Variants in FMNL2 observed in about 807,000 individuals in gnomAD.
The protein encoded by FMNL2 is formin-like protein 2.
Under a neutral mutation model 130.2 loss-of-function variants are expected in FMNL2, and 51 were observed. The observed-to-expected ratio is 0.39, with a 90% CI of 0.31 to 0.49. The LOEUF is 0.49. FMNL2 is among the 20% of genes least tolerant of loss of function. The pLI is 0.85. For missense variants in FMNL2, 977 were observed against 1,316.2 expected (o/e 0.74, Z 3.99); for synonymous variants, 465 against 467.1 (o/e 1.00, Z 0.06).
At chr2:152,634,219 G>A (rs1359419336) in intron 21 of FMNL2, among the ~76,000 whole-genome samples, 1 of 152,142 alleles carries the variant, frequency 6.6e-6, no homozygotes, top group Non-Finnish European at 1.5e-5. Flanking sequence ...GATCACTTGA[G>A]GTCAGGAGTT....
At chr2:152,473,279 C>A (rs1689955131) in intron 1 of FMNL2, among the ~76,000 whole-genome samples, 1 of 151,918 alleles carries the variant, frequency 6.6e-6, no homozygotes, top group African/African-American at 2.4e-5. Flanking sequence ...CCATTGTTCA[C>A]TGCAGCCTCC....
In FMNL2 at chr2:152,647,884, T is replaced by C; in HGVS notation, c.3258T>C (p.Asn1086=). The C allele has an allele frequency of 1.2e-6, 2 of 1,613,582 alleles. No homozygotes were observed. The highest frequency in any genetic ancestry group is 2.2e-5 in the South Asian group (2 of 91,034). The change falls in exon 26 of 26, where the codon AAT becomes AAC. Residue 1086 remains asparagine (N), a synonymous_variant. Transcript: ENST00000288670. ...ATGATCAGAACTTGCGTTCTGTTAA[T>C]GGTGCCGAAATAACAATGTGAACCT... is the stretch of plus-strand genomic sequence containing the variant. ...RFDDQNLRSV[N]GAEITM
chr2:152,409,766 C>T (rs1686184366), intron 1 of FMNL2, among the ~76,000 whole-genome samples: 1 of 152,174 alleles, frequency 6.6e-6, no homozygotes, highest in African/African-American at 2.4e-5. Context: ...TTAATCCTTA[C>T]AGTCACCATT....
At chr2:152,349,849 T>C (rs915167681) in intron 1 of FMNL2, among the ~76,000 whole-genome samples, 2 of 152,242 alleles carry the variant, frequency 1.3e-5, no homozygotes, top group Non-Finnish European at 2.9e-5. Flanking sequence ...TTCTACATTG[T>C]GCATTTTTGC....
At chr2:152,422,668 A>G (rs1278381791) in intron 1 of FMNL2, among the ~76,000 whole-genome samples, 2 of 152,106 alleles carry the variant, frequency 1.3e-5, no homozygotes, top group Non-Finnish European at 2.9e-5. Flanking sequence ...AGCTGGGACT[A>G]CAGGCATGCA....
chr2:152,628,682 T>A, intron 18 of FMNL2, 149 bp downstream of exon 18: 1 of 667,732 alleles, frequency 1.5e-6, no homozygotes, highest in Non-Finnish European at 2.5e-6. Context: ...TTCAACCATC[T>A]TTTCCACATT....
chr2:152,395,846 G>T (rs1685361371), intron 1 of FMNL2, among the ~76,000 whole-genome samples: 2 of 129,900 alleles, frequency 1.5e-5, no homozygotes, highest in African/African-American at 2.8e-5. Context: ...ACCCAACTGT[G>T]AGATGAATAG....
chr2:152,528,402 G>C (rs966233524), intron 2 of FMNL2, among the ~76,000 whole-genome samples: 2 of 152,156 alleles, frequency 1.3e-5, no homozygotes, highest in Non-Finnish European at 1.5e-5. Context: ...ACTGGGCCTT[G>C]TTCCCTCCCA....
At chr2:152,619,858 A>T in intron 15 of FMNL2, 140 bp downstream of exon 15, 1 of 1,448,682 alleles carries the variant, frequency 6.9e-7, no homozygotes. Flanking sequence ...CTGCTGATGT[A>T]GCCGATAGAG....
chr2:152,583,147 A>G (rs1437413465), intron 9 of FMNL2, among the ~76,000 whole-genome samples: 1 of 152,222 alleles, frequency 6.6e-6, no homozygotes, highest in Non-Finnish European at 1.5e-5. Context: ...TACCTGGACA[A>G]TAGTAATGAG....
intron 9 of FMNL2, among the ~76,000 whole-genome samples, chr2:152,592,717 AG>A (rs1433389075): frequency 6.6e-6 from 1 of 152,192 alleles, no homozygotes; most frequent in African/African-American, 2.4e-5. Context: ...AGGAACATAG[AG>A]GGAGAGCTCA....
At chr2:152,506,072 G>A (rs115539227) in intron 1 of FMNL2, among the ~76,000 whole-genome samples, 2,372 of 152,230 alleles carry the variant, frequency 0.016, 69 homozygotes, top group African/African-American at 0.054. Flanking sequence ...AAGTTTATTT[G>A]CCAAGGTAAC....
intron 1 of FMNL2, among the ~76,000 whole-genome samples, chr2:152,336,593 G>T (rs1681468263): frequency 1.3e-5 from 2 of 152,262 alleles, no homozygotes; most frequent in Admixed American, 6.5e-5. Context: ...CTGGGACAGT[G>T]TCTGGGCCCC....
Position 152,633,728 on chromosome 2 carries a change from C to T in FMNL2, c.2680+1591C>T, listed in dbSNP as rs137910456. ...CTTTGCCTAAATTAATTACACCTCA[C>T]AATTCTAATTAAGAAAAATGTTAAA... On this transcript the variant is annotated intron_variant, in intron 21 of 25. Coordinates refer to ENST00000288670, the MANE Select transcript of FMNL2 (RefSeq NM_052905.4). 5.9e-3 allele frequency among the ~76,000 whole-genome samples: 904 copies of T among 152,346 alleles called. 7 individuals carry two copies. Among genetic ancestry groups the T allele is most frequent in the African/African-American group, 0.021 (857 of 41,568 alleles).
intron 1 of FMNL2, among the ~76,000 whole-genome samples, chr2:152,336,002 G>A (rs1681400172): frequency 6.6e-6 from 1 of 151,940 alleles, no homozygotes; most frequent in Non-Finnish European, 1.5e-5. Context: ...CTCACGGCGC[G>A]TGTGCCCGGG....
intron 1 of FMNL2, among the ~76,000 whole-genome samples, chr2:152,447,969 C>A (rs915577817): frequency 2.6e-5 from 4 of 152,134 alleles, no homozygotes; most frequent in Non-Finnish European, 5.9e-5. Context: ...CCACTAGTCT[C>A]TTTAGTTTTT....
intron 1 of FMNL2, among the ~76,000 whole-genome samples, chr2:152,354,814 G>A (rs1334114874): frequency 6.6e-6 from 1 of 152,184 alleles, no homozygotes; most frequent in African/African-American, 2.4e-5. Flanking sequence ...ACTAGTCTGA[G>A]ATAAAATTCT....
chr2:152,633,858 C>T (rs1051892306), intron 21 of FMNL2, among the ~76,000 whole-genome samples: 1 of 152,214 alleles, frequency 6.6e-6, no homozygotes, highest in African/African-American at 2.4e-5. Flanking sequence ...GACTGGGTTG[C>T]TCCCTGGCAG....
intron 22 of FMNL2, among the ~76,000 whole-genome samples, chr2:152,636,841 C>T (rs546778198): frequency 4.6e-5 from 7 of 152,148 alleles, no homozygotes; most frequent in Admixed American, 6.5e-5. Context: ...CACTTCAATA[C>T]TCACTCCAGT....
Sources: gnomAD v4.1 joint callset for allele counts (sites outside exome capture counted in the v4.1 genomes callset) on GRCh38, gnomAD v4.1.1 for gene constraint, MANE v1.5 for transcripts, NCBI Gene and HGNC (gene_info 2026-07-23, HGNC 2026-07-21) for gene names.